The following HTR7 variants were observed in gnomAD, a reference collection of about 807,000 sequenced individuals.
HTR7 encodes the protein 5-HT-7.
HTR7 carries 16 observed loss-of-function variants against 34.0 expected under a neutral mutation model. The ratio of observed to expected loss-of-function variants is 0.47; its 90% CI spans 0.32 to 0.71. HTR7 has a LOEUF of 0.71. HTR7 is among the 30% of genes least tolerant of loss of function. The pLI, the probability that HTR7 is intolerant of heterozygous loss-of-function variation, is 0.04. For missense variants in HTR7, 504 were observed against 625.5 expected (o/e 0.81, Z 2.07); for synonymous variants, 265 against 260.2 (o/e 1.02, Z -0.18).
At chr10:90,797,007 G>A (rs570920042) in intron 1 of HTR7, among the ~76,000 whole-genome samples, 248 of 146,008 alleles carry the variant, frequency 1.7e-3, no homozygotes, top group African/African-American at 5.6e-3. Context: ...GCAAGACTCC[G>A]TCTCAAAAAA....
chr10:90,767,253 TA>T (rs1845039633), intron 1 of HTR7, among the ~76,000 whole-genome samples: 1 of 152,234 alleles, frequency 6.6e-6, no homozygotes, highest in Non-Finnish European at 1.5e-5. Flanking sequence ...AGGTGGGGCC[TA>T]GGGGTAAACC....
chr10:90,756,845 A>C (rs1232360615), intron 1 of HTR7, among the ~76,000 whole-genome samples: 2 of 152,162 alleles, frequency 1.3e-5, no homozygotes, highest in African/African-American at 4.8e-5. Context: ...TGTCATAAAA[A>C]AAAAGAAAAG....
intron 1 of HTR7, among the ~76,000 whole-genome samples, chr10:90,849,779 C>T (rs1313583871): frequency 6.6e-6 from 1 of 152,220 alleles, no homozygotes; most frequent in East Asian, 1.9e-4. Flanking sequence ...CAGACCAATG[C>T]TTCTGCTGAA....
chr10:90,852,562 CT>C (rs2120130204), intron 1 of HTR7, among the ~76,000 whole-genome samples: 1 of 152,216 alleles, frequency 6.6e-6, no homozygotes, highest in Non-Finnish European at 1.5e-5. Flanking sequence ...CAGAGCAGCA[CT>C]ATTAGAGATA....
intron 1 of HTR7, among the ~76,000 whole-genome samples, chr10:90,756,851 A>AC (rs1844839116): frequency 1.3e-5 from 2 of 152,144 alleles, no homozygotes; most frequent in African/African-American, 4.8e-5. Flanking sequence ...AAAAAAAAAG[A>AC]AAAGAAAAGA....
intron 1 of HTR7, among the ~76,000 whole-genome samples, chr10:90,797,272 C>T (rs1845555368): frequency 6.6e-6 from 1 of 152,124 alleles, no homozygotes; most frequent in Non-Finnish European, 1.5e-5. Context: ...GTTCAACCCA[C>T]ACATTTTACG....
chr10:90,783,349 G>A (rs768232416), intron 1 of HTR7, among the ~76,000 whole-genome samples: 6 of 152,076 alleles, frequency 3.9e-5, no homozygotes, highest in Non-Finnish European at 8.8e-5. Flanking sequence ...CCTAGATTTG[G>A]TGGCAGCTTC....
In HTR7 at chr10:90,857,639, G is replaced by A. The variant is rs1159273494; in HGVS notation, c.33C>T (p.Asp11=). The stretch of plus-strand genomic sequence containing the variant: ...GGAAAGAGCGGAGGTGCCCGTAGAG[G>A]TCCGGGCGGCCGCTGCTGTTAACGT... MMDVNSSGRP[D]LYGHLRSFLL... Residue 11 remains aspartate, a synonymous_variant, in exon 1 of 4, where the codon GAC becomes GAT. Transcript: ENST00000336152. The surrounding 1 kb of genome is among the most constrained non-coding windows in gnomAD (Gnocchi z 6.5). The A allele has an allele frequency of 3.4e-5, 54 of 1,593,674 alleles. No homozygotes were observed. Among genetic ancestry groups the A allele is most frequent in the Non-Finnish European group, 4.3e-5 (50 of 1,174,118 alleles).
chr10:90,839,097 T>G (rs1846291694), intron 1 of HTR7, among the ~76,000 whole-genome samples: 1 of 152,240 alleles, frequency 6.6e-6, no homozygotes, highest in South Asian at 2.1e-4. Flanking sequence ...AAAGGCAATT[T>G]TATTATGCTA....
At position 90,857,347 on chromosome 10, in the gene HTR7, C is replaced by G. The variant is rs919429427; in HGVS notation, c.325G>C (p.Val109Leu). The change falls in exon 1 of 4, where the codon GTC becomes CTC. Residue 109 changes from valine to leucine, a missense_variant. By Grantham distance (32) the Val-to-Leu change is conservative. Coordinates refer to ENST00000336152, the MANE Select transcript of HTR7 (RefSeq NM_019859.4). This position sits in a 1 kb window ranked among gnomAD's most constrained non-coding sequence, Gnocchi z 6.5. Reference protein sequence around the residue: ...NCLVVISVCFVKKLRQPSNYL... With the variant: ...NCLVVISVCFLKKLRQPSNYL... ...TTGGAGGGCTGGCGGAGCTTCTTGA[C>G]GAAGCACACGGAGATCACCACCAGG... The G allele has an allele frequency of 3.7e-6, 6 of 1,614,024 alleles. No individual in the cohort carries two copies. Among genetic ancestry groups the G allele is most frequent in the Non-Finnish European group, 5.1e-6 (6 of 1,179,978 alleles).
chr10:90,803,385 A>G (rs1237382897), intron 1 of HTR7, among the ~76,000 whole-genome samples: 1 of 152,102 alleles, frequency 6.6e-6, no homozygotes, highest in East Asian at 1.9e-4. Flanking sequence ...GGGTGTATGC[A>G]CAGTACGTTT....
Position 90,846,982 on chromosome 10 carries a change from T to C in HTR7, c.539+10151A>G, listed in dbSNP as rs534042860. Among the ~76,000 whole-genome samples the C allele has an allele frequency of 2.2e-3, 337 of 152,356 alleles. 1 individual carries two copies. Among genetic ancestry groups the C allele is most frequent in the Middle Eastern group, 0.01 (3 of 294 alleles). On this transcript the variant is annotated intron_variant, in intron 1 of 3. Coordinates refer to ENST00000336152, the MANE Select transcript of HTR7 (RefSeq NM_019859.4). Reference sequence around the variant, plus strand: ...TCTGTGAGTTCATTCAAACACTGATTCACTGCCTCTGTGTTCCTGGCATCT... The same window carrying C: ...TCTGTGAGTTCATTCAAACACTGATCCACTGCCTCTGTGTTCCTGGCATCT...
intron 1 of HTR7, among the ~76,000 whole-genome samples, chr10:90,811,852 C>A (rs1037492078): frequency 2.6e-5 from 4 of 150,960 alleles, no homozygotes; most frequent in African/African-American, 9.7e-5. Flanking sequence ...GTAGTCATTT[C>A]CTCCCTTCTG....
In HTR7 at chr10:90,748,983, T is replaced by C; in HGVS notation, c.1151A>G (p.Tyr384Cys). 1 of 1,614,032 alleles carries C rather than the reference T, an allele frequency of 6.2e-7. No homozygotes were observed. The highest frequency in any genetic ancestry group is 8.5e-7 in the Non-Finnish European group (1 of 1,179,992). ...YANSLINPFI[Y>C]AFFNRDLRTT... The stretch of plus-strand genomic sequence containing the variant: ...CCTCAGGTCCCGGTTGAAGAAGGCA[T>C]ATATAAAAGGGTTAATGAGAGAGTT... Residue 384 changes from tyrosine to cysteine, a missense_variant, in exon 2 of 4, where the codon TAT becomes TGT. By Grantham distance (194) the Tyr-to-Cys change is radical. This residue lies in a region of HTR7 where 154 missense variants were observed against 212.1 expected (regional missense o/e 0.73). Coordinates refer to ENST00000336152, the MANE Select transcript of HTR7 (RefSeq NM_019859.4).
chr10:90,792,697 C>G lies in HTR7; in HGVS notation c.540-43103G>C, dbSNP rs76040443. Among the ~76,000 whole-genome samples, 23 of 152,134 alleles carry G rather than the reference C, an allele frequency of 1.5e-4. No homozygotes were observed. The East Asian group carries it at 4.2e-3, about 28-fold the overall frequency. On this transcript the variant is annotated intron_variant, in intron 1 of 3. Coordinates refer to ENST00000336152, the MANE Select transcript of HTR7 (RefSeq NM_019859.4). ...AAAATATCATTACATTGAAAATATA[C>G]TTTCAGCTTTCCATTTTTACATCTA... is the stretch of plus-strand genomic sequence containing the variant.
At position 90,857,442 on chromosome 10, in the gene HTR7, C is replaced by T. The variant is rs749752619; in HGVS notation, c.230G>A (p.Gly77Asp). ...ASGCGEQINY[G>D]RVEKVVIGSI... ...GCCGATCACAACTTTCTCGACTCTGCCGTAGTTGATCTGTTCCCCACAGCC... is the reference window on the plus strand; with the variant it reads ...GCCGATCACAACTTTCTCGACTCTGTCGTAGTTGATCTGTTCCCCACAGCC... Residue 77 changes from glycine to aspartate, a missense_variant, in exon 1 of 4, where the codon GGC becomes GAC. Transcript: ENST00000336152. The surrounding 1 kb of genome is among the most constrained non-coding windows in gnomAD (Gnocchi z 6.5). 1 of 1,613,884 alleles carries T rather than the reference C, an allele frequency of 6.2e-7. No individual in the cohort carries two copies. Among genetic ancestry groups the T allele is most frequent in the Non-Finnish European group, 8.5e-7 (1 of 1,180,024 alleles).
At chr10:90,745,721 G>T (rs1199506296) in intron 2 of HTR7, among the ~76,000 whole-genome samples, 1 of 152,196 alleles carries the variant, frequency 6.6e-6, no homozygotes, top group Non-Finnish European at 1.5e-5. Context: ...AGCAGACTAT[G>T]GCCTGTTGGC....
chr10:90,830,610 A>T (rs1262385406), intron 1 of HTR7, among the ~76,000 whole-genome samples: 5 of 152,056 alleles, frequency 3.3e-5, no homozygotes, highest in South Asian at 2.1e-4. Context: ...ACATGATGAA[A>T]CCCCATCTCT....
At chr10:90,801,770 C>T (rs1473764293) in intron 1 of HTR7, among the ~76,000 whole-genome samples, 1 of 152,208 alleles carries the variant, frequency 6.6e-6, no homozygotes, top group Non-Finnish European at 1.5e-5. Flanking sequence ...AAATTCTTAT[C>T]AGTGAGCCTC....
Sources: gnomAD v4.1 joint callset for allele counts (sites outside exome capture counted in the v4.1 genomes callset) on GRCh38, gnomAD v4.1.1 for gene constraint, gnomAD v4.1.1 regional missense constraint, Gnocchi (gnomAD v3.1) non-coding constraint, MANE v1.5 for transcripts, NCBI Gene and HGNC (gene_info 2026-07-23, HGNC 2026-07-21) for gene names.